The following ZBTB40 variants were observed in gnomAD, a reference collection of about 807,000 sequenced individuals.
The protein encoded by ZBTB40 is zinc finger and BTB domain containing 40.
In ZBTB40, 60 loss-of-function variants were observed where a neutral mutation model predicts 117.5. That is an observed-to-expected ratio of 0.51 (90% CI 0.41 to 0.63). The LOEUF is 0.63. Among genes scored for constraint, ZBTB40 ranks in the 30% least tolerant of loss-of-function variants. The pLI is 0.00. For missense variants in ZBTB40, 1,287 were observed against 1,498.5 expected (o/e 0.86, Z 2.33); for synonymous variants, 525 against 577.1 (o/e 0.91, Z 1.29).
chr1:22,463,567 T>G (rs1439830955), intron 1 of ZBTB40, among the ~76,000 whole-genome samples: 1 of 152,192 alleles, frequency 6.6e-6, no homozygotes, highest in Non-Finnish European at 1.5e-5. Context: ...ATGGAAAAGT[T>G]GGCCTTAAGT....
Position 22,502,401 on chromosome 1 carries a change from A to G in ZBTB40, c.1127A>G (p.Glu376Gly), listed in dbSNP as rs201821310. Residue 376 changes from glutamate to glycine, a missense_variant, in exon 5 of 18, where the codon GAA (glutamate) becomes GGA (glycine). By Grantham distance (98) the Glu-to-Gly change is moderately conservative. Transcript: ENST00000375647. ...CTGAGACCTATTATGGAGTCCCTGG[A>G]AACAGCCAAGGAGGAATTCCTGACT... ...TQLRPIMESL[E>G]TAKEEFLTGT... is the part of the protein sequence containing the mutation. The G allele has an allele frequency of 5.0e-6, 8 of 1,613,994 alleles. No homozygotes were observed. The highest frequency in any genetic ancestry group is 6.8e-6 in the Non-Finnish European group (8 of 1,179,986).
chr1:22,437,443 T>G (rs1640684306), intron 1 of ZBTB40, among the ~76,000 whole-genome samples: 1 of 150,678 alleles, frequency 6.6e-6, no homozygotes, highest in African/African-American at 2.4e-5. Flanking sequence ...TTTTTTGAGA[T>G]GGAGTCTCAC....
At chr1:22,443,473 A>G (rs1640755951) in intron 1 of ZBTB40, among the ~76,000 whole-genome samples, 1 of 152,266 alleles carries the variant, frequency 6.6e-6, no homozygotes, top group Non-Finnish European at 1.5e-5. Flanking sequence ...TGAAAGAGTT[A>G]AGCTTTATCT....
intron 6 of ZBTB40, among the ~76,000 whole-genome samples, chr1:22,507,647 C>T (rs945079866): frequency 2.6e-5 from 4 of 152,158 alleles, no homozygotes; most frequent in African/African-American, 7.2e-5. Context: ...TCTTTAGGAT[C>T]GCCACACGGA....
upstream of ZBTB40, among the ~76,000 whole-genome samples, chr1:22,447,708 C>T (rs187463052): frequency 1.3e-5 from 2 of 152,190 alleles, no homozygotes. Context: ...CCTGCTGGAG[C>T]AAGGCAGTCT....
intron 4 of ZBTB40, 113 bp downstream of exon 4, chr1:22,501,797 A>T (rs746447147): frequency 8.2e-5 from 99 of 1,210,878 alleles, no homozygotes; most frequent in Middle Eastern, 2.7e-4. Context: ...TGGTTTTCAC[A>T]TAAGTTTCAC....
At chr1:22,441,521 A>G (rs1227943642) in intron 1 of ZBTB40, among the ~76,000 whole-genome samples, 2 of 111,188 alleles carry the variant, frequency 1.8e-5, no homozygotes, top group Non-Finnish European at 3.4e-5. Context: ...TCTGTCACCC[A>G]GGTTGGAGTG....
chr1:22,501,557 AAG>A lies in ZBTB40; in HGVS notation c.902_903del (p.Glu301GlyfsTer19). ...SAFQRILGKV[R>X]EESLDVQTVV... ...CATTCCAGAGAATCCTGGGTAAAGT[AAG>A]AGAGGAAAGCCTGGATGTTCAAACT... On this transcript the variant is annotated frameshift_variant, in exon 4 of 18. Transcript: ENST00000375647. LOFTEE classifies it high-confidence loss of function. The A allele has an allele frequency of 6.2e-7, 1 of 1,614,140 alleles. No individual in the cohort carries two copies. Among genetic ancestry groups the A allele is most frequent in the Non-Finnish European group, 8.5e-7 (1 of 1,180,008 alleles).
At chr1:22,463,035 T>C (rs548319967) in intron 1 of ZBTB40, among the ~76,000 whole-genome samples, 1 of 152,352 alleles carries the variant, frequency 6.6e-6, no homozygotes, top group South Asian at 2.1e-4. Flanking sequence ...AACTGCTGTT[T>C]ATGTGTATTG....
At chr1:22,449,911 G>GT (rs1180964923), upstream of ZBTB40, among the ~76,000 whole-genome samples, 1 of 151,346 alleles carries the variant, frequency 6.6e-6, no homozygotes, top group African/African-American at 2.4e-5. Context: ...CAATGATACT[G>GT]TTTTTTAAAA....
chr1:22,438,563 T>C (rs1030797227), intron 1 of ZBTB40, among the ~76,000 whole-genome samples: 3 of 152,216 alleles, frequency 2.0e-5, no homozygotes, highest in Admixed American at 1.3e-4. Context: ...GATCATATGG[T>C]AATCCTATTT....
chr1:22,470,565 C>T (rs1013630070), intron 1 of ZBTB40, among the ~76,000 whole-genome samples: 2 of 152,064 alleles, frequency 1.3e-5, no homozygotes, highest in African/African-American at 4.8e-5. Context: ...ACAGATGTCC[C>T]GAGCGTCAAA....
chr1:22,478,328 A>G (rs1180693631), intron 1 of ZBTB40, among the ~76,000 whole-genome samples: 1 of 152,038 alleles, frequency 6.6e-6, no homozygotes, highest in Admixed American at 6.6e-5. Flanking sequence ...GTTCACTGCA[A>G]GCTCCGCCTC....
chr1:22,492,794 C>T (rs928078879), intron 3 of ZBTB40, among the ~76,000 whole-genome samples: 6 of 152,170 alleles, frequency 3.9e-5, no homozygotes, highest in Non-Finnish European at 5.9e-5. Flanking sequence ...GGTTTCAAGT[C>T]ATAAATCCTT....
In ZBTB40 at chr1:22,516,621, T is replaced by C. The variant is rs929421699; in HGVS notation, c.2669-679T>C. On this transcript the variant is annotated intron_variant, in intron 12 of 17. Coordinates refer to ENST00000375647, the MANE Select transcript of ZBTB40 (RefSeq NM_014870.4). ...AAAATGAGGCTGCTTGTCCTAGTTGTGGTAGACCCTGGGATCCGGGGTTCT... is the reference window on the plus strand; with the variant it reads ...AAAATGAGGCTGCTTGTCCTAGTTGCGGTAGACCCTGGGATCCGGGGTTCT... Among the ~76,000 whole-genome samples, 5 of 152,160 alleles carry C rather than the reference T, an allele frequency of 3.3e-5. No homozygotes were observed. In the East Asian group the frequency reaches 9.6e-4, roughly 29 times the overall value.
intron 1 of ZBTB40, among the ~76,000 whole-genome samples, chr1:22,485,596 G>A (rs1638444046): frequency 6.6e-6 from 1 of 151,902 alleles, no homozygotes; most frequent in African/African-American, 2.4e-5. Context: ...TCTGTGATGT[G>A]GTGTCTGTCA....
chr1:22,466,593 A>T (rs1641261274), intron 1 of ZBTB40, among the ~76,000 whole-genome samples: 1 of 152,032 alleles, frequency 6.6e-6, no homozygotes. Flanking sequence ...TCCTAGTGTT[A>T]TGTGAAGTTG....
chr1:22,438,939 C>T (rs1167218867), intron 1 of ZBTB40, among the ~76,000 whole-genome samples: 1 of 152,102 alleles, frequency 6.6e-6, no homozygotes, highest in Admixed American at 6.6e-5. Flanking sequence ...ATGATCTCGG[C>T]TCACTGCAAC....
Position 22,490,137 on chromosome 1 carries a change from A to C in ZBTB40, c.189A>C (p.Ala63=), listed in dbSNP as rs1176507059. ...LDNTDTISID[A]SVVSPEEFAL... is the part of the protein sequence containing the mutation. ...ACACAGATACCATCTCCATCGATGCATCTGTGGTGAGCCCCGAGGAGTTTG... is the reference window on the plus strand; with the variant it reads ...ACACAGATACCATCTCCATCGATGCCTCTGTGGTGAGCCCCGAGGAGTTTG... Residue 63 remains alanine (A), a synonymous_variant, in exon 2 of 18, where the codon GCA becomes GCC. Transcript: ENST00000375647. The C allele has an allele frequency of 6.2e-7, 1 of 1,614,130 alleles. No homozygotes were observed. The highest frequency in any genetic ancestry group is 8.5e-7 in the Non-Finnish European group (1 of 1,180,014).
Sources: allele counts gnomAD v4.1 joint callset (sites outside exome capture counted in the v4.1 genomes callset), GRCh38; gene constraint gnomAD v4.1.1; transcripts MANE v1.5; gene names NCBI Gene and HGNC (gene_info 2026-07-23, HGNC 2026-07-21).